BRI3BP: variants seen among roughly 807,000 people sequenced by gnomAD.
BRI3BP encodes BRI3-binding protein.
BRI3BP carries 7 observed loss-of-function variants against 15.8 expected under a neutral mutation model. The observed-to-expected ratio is 0.44, with a 90% CI of 0.25 to 0.83. BRI3BP has a LOEUF of 0.83. Among genes scored for constraint, BRI3BP ranks in the 40% least tolerant of loss-of-function variants. The pLI, the probability that BRI3BP is intolerant of heterozygous loss-of-function variation, is 0.20. For missense variants in BRI3BP, 320 were observed against 339.3 expected, an observed-to-expected ratio of 0.94 and a Z score of 0.45; for synonymous variants, 192 against 163.5, an observed-to-expected ratio of 1.17 and a Z score of -1.33.
At chr12:125,012,915 A>C (rs566684393) in intron 2 of BRI3BP, among the ~76,000 whole-genome samples, 1 of 151,000 alleles carries the variant, frequency 6.6e-6, no homozygotes, top group Non-Finnish European at 1.5e-5. Flanking sequence ...CCATCTCTAT[A>C]AAAAAAAAGT....
the BRI3BP span, among the ~76,000 whole-genome samples, chr12:125,048,726 TA>T: frequency 1.0e-4 from 15 of 147,050 alleles, no homozygotes; most frequent in Admixed American, 3.4e-4. Context: ...AAATAATAAT[TA>T]AAAAAAAAAG....
chr12:125,042,182 G>A, the BRI3BP span, among the ~76,000 whole-genome samples: 3 of 152,116 alleles, frequency 2.0e-5, no homozygotes, highest in African/African-American at 4.8e-5. Flanking sequence ...TCAGGGATAC[G>A]TGTGCAGGTT....
chr12:125,049,700 A>G, the BRI3BP span, among the ~76,000 whole-genome samples: 7 of 152,192 alleles, frequency 4.6e-5, no homozygotes, highest in East Asian at 3.9e-4. Flanking sequence ...GGTGCGGCCT[A>G]TGAACCGGAA....
In BRI3BP at chr12:125,007,227, T is replaced by C. The variant is rs1255144860; in HGVS notation, c.214-5307T>C. Among the ~76,000 whole-genome samples, 3 of 151,806 alleles carry C rather than the reference T, an allele frequency of 2.0e-5. No homozygotes were observed. The East Asian group carries it at 5.8e-4, about 29-fold the overall frequency. On this transcript the variant is annotated intron_variant, in intron 1 of 2. Transcript: ENST00000341446. ...CCCCCCCAAATAAATTGCCATGTAT[T>C]GACAAACATGTACAAGTCACACATA...
chr12:125,046,464 A>G, the BRI3BP span, among the ~76,000 whole-genome samples: 2 of 151,942 alleles, frequency 1.3e-5, no homozygotes, highest in Non-Finnish European at 2.9e-5. Context: ...TGAGGCAAGA[A>G]GCTGCCTCCC....
At chr12:125,033,749 GTTT>G (rs112871732), downstream of BRI3BP, among the ~76,000 whole-genome samples, 2 of 144,994 alleles carry the variant, frequency 1.4e-5, no homozygotes, top group East Asian at 4.0e-4. Context: ...GTTTTTTTTT[GTTT>G]TTTTTTTTGA....
At chr12:125,003,118 TC>T (rs1955110056) in intron 1 of BRI3BP, among the ~76,000 whole-genome samples, 1 of 152,218 alleles carries the variant, frequency 6.6e-6, no homozygotes, top group Admixed American at 6.5e-5. Context: ...GAATCTCCCG[TC>T]CCCTCTCCCT....
the BRI3BP span, among the ~76,000 whole-genome samples, chr12:125,048,004 T>C: frequency 7.3e-6 from 1 of 137,120 alleles, no homozygotes. Flanking sequence ...GCCTACTTTT[T>C]TTCTTATAGT....
chr12:125,040,528 G>C, the BRI3BP span, among the ~76,000 whole-genome samples: 2 of 150,028 alleles, frequency 1.3e-5, no homozygotes, highest in African/African-American at 4.9e-5. Flanking sequence ...ATTTTTAGTA[G>C]AGACCGGTTT....
chr12:125,040,298 A>G, the BRI3BP span, among the ~76,000 whole-genome samples: 69 of 151,722 alleles, frequency 4.5e-4, no homozygotes, highest in African/African-American at 1.6e-3. Context: ...GTTCTCATTA[A>G]CACTATTTTT....
chr12:125,041,829 A>T, the BRI3BP span, among the ~76,000 whole-genome samples: 1 of 152,142 alleles, frequency 6.6e-6, no homozygotes, highest in Non-Finnish European at 1.5e-5. Context: ...CCTAAGTGGG[A>T]CTACAGGTGT....
chr12:125,033,751 T>G (rs1481984923), downstream of BRI3BP, among the ~76,000 whole-genome samples: 75 of 80,514 alleles, frequency 9.3e-4, no homozygotes, highest in African/African-American at 1.7e-3. Context: ...TTTTTTTTGT[T>G]TTTTTTTTTG....
chr12:125,049,951 C>T, the BRI3BP span, among the ~76,000 whole-genome samples: 1 of 152,198 alleles, frequency 6.6e-6, no homozygotes, highest in Non-Finnish European at 1.5e-5. Flanking sequence ...GACGCGTGTG[C>T]TGGCAGATGG....
intron 2 of BRI3BP, among the ~76,000 whole-genome samples, chr12:125,017,507 TATA>T (rs778161347): frequency 6.6e-6 from 1 of 152,216 alleles, no homozygotes; most frequent in Non-Finnish European, 1.5e-5. Context: ...AAAAACAACT[TATA>T]ATTAATAGAA....
intron 1 of BRI3BP, among the ~76,000 whole-genome samples, chr12:125,008,513 C>T (rs1046096144): frequency 1.3e-5 from 2 of 151,822 alleles, no homozygotes; most frequent in African/African-American, 2.4e-5. Flanking sequence ...GGGGTTTCAC[C>T]GTGTTAGCCA....
chr12:125,003,987 ACACACACACACAC>A (rs752575818), intron 1 of BRI3BP, among the ~76,000 whole-genome samples: 1 of 149,874 alleles, frequency 6.7e-6, no homozygotes, highest in Non-Finnish European at 1.5e-5. Flanking sequence ...ACACACACAC[ACACACACACACAC>A]ACAACACACA....
At chr12:125,022,518 A>ATTATTTATTTATTTATTTATTTATTTAT (rs573464976) in intron 2 of BRI3BP, among the ~76,000 whole-genome samples, 1 of 144,378 alleles carries the variant, frequency 6.9e-6, no homozygotes, top group African/African-American at 2.7e-5. Context: ...TTGTTAATTT[A>ATTATTTATTTATTTATTTATTTATTTAT]TTATTTATTT....
At chr12:124,996,834 T>G (rs1219744207) in intron 1 of BRI3BP, among the ~76,000 whole-genome samples, 1 of 149,466 alleles carries the variant, frequency 6.7e-6, no homozygotes, top group African/African-American at 2.5e-5. Context: ...TCTTGGCTCA[T>G]GGCAACCTCT....
chr12:125,050,926 T>C, the BRI3BP span, among the ~76,000 whole-genome samples: 1 of 152,246 alleles, frequency 6.6e-6, no homozygotes, highest in Non-Finnish European at 1.5e-5. Flanking sequence ...TCACCGTATG[T>C]GCCAGCTAAT....
Sources: gnomAD v4.1 joint callset for allele counts (sites outside exome capture counted in the v4.1 genomes callset) on GRCh38, gnomAD v4.1.1 for gene constraint, MANE v1.5 for transcripts, NCBI Gene and HGNC (gene_info 2026-07-23, HGNC 2026-07-21) for gene names.